NPAS3: variants seen among roughly 807,000 people sequenced by gnomAD.
The protein encoded by NPAS3 is neuronal PAS domain protein 3.
A neutral mutation model predicts 73.1 loss-of-function variants in NPAS3; 14 were observed. That is an observed-to-expected ratio of 0.19 (90% CI 0.13 to 0.30). The LOEUF (loss-of-function observed/expected upper bound fraction) is 0.30, where lower values mean the gene tolerates loss of function less well. NPAS3 is among the 10% of genes least tolerant of loss of function. The probability of loss-of-function intolerance (pLI) is 1.00; values close to 1 mark genes in which losing one functional copy is unlikely to be tolerated. For synonymous variants in NPAS3, 620 were observed against 541.5 expected, an observed-to-expected ratio of 1.14 and a Z score of -2.01; for missense variants, 1,096 against 1,250.0, an observed-to-expected ratio of 0.88 and a Z score of 1.86.
intron 5 of NPAS3, among the ~76,000 whole-genome samples, chr14:33,575,192 T>C (rs1009125544): frequency 6.6e-6 from 1 of 152,216 alleles, no homozygotes; most frequent in African/African-American, 2.4e-5. Flanking sequence ...CCATTTAACA[T>C]AGCTTGTTAA....
At chr14:33,254,195 G>GT (rs1457118929) in intron 3 of NPAS3, among the ~76,000 whole-genome samples, 1 of 151,974 alleles carries the variant, frequency 6.6e-6, no homozygotes, top group African/African-American at 2.4e-5. Context: ...AGCTTCCATA[G>GT]TCCTCCGTGG....
At chr14:33,079,583 G>T (rs1595394727) in intron 2 of NPAS3, among the ~76,000 whole-genome samples, 1 of 103,456 alleles carries the variant, frequency 9.7e-6, no homozygotes, top group Non-Finnish European at 2.0e-5. Flanking sequence ...CTCCCAAAGT[G>T]CTGGGATTAT....
At chr14:33,117,640 C>G (rs1186232728) in intron 2 of NPAS3, among the ~76,000 whole-genome samples, 3 of 152,082 alleles carry the variant, frequency 2.0e-5, no homozygotes, top group African/African-American at 4.8e-5. Flanking sequence ...TGGAAATCTA[C>G]TTGTAAAAGG....
intron 4 of NPAS3, among the ~76,000 whole-genome samples, chr14:33,370,178 A>G (rs1250856953): frequency 6.6e-6 from 1 of 152,162 alleles, no homozygotes; most frequent in African/African-American, 2.4e-5. Context: ...TAAATAGCTT[A>G]CAGTCATTCA....
chr14:33,207,397 A>G (rs1247136024), intron 2 of NPAS3, among the ~76,000 whole-genome samples: 5 of 152,124 alleles, frequency 3.3e-5, no homozygotes, highest in African/African-American at 9.7e-5. Context: ...TGAAGTGTTC[A>G]CCCATCTCTG....
chr14:33,183,597 A>G (rs2045883027), intron 2 of NPAS3, among the ~76,000 whole-genome samples: 1 of 151,744 alleles, frequency 6.6e-6, no homozygotes, highest in Non-Finnish European at 1.5e-5. Context: ...ACAGACCCAC[A>G]TCTCCCAACT....
intron 2 of NPAS3, among the ~76,000 whole-genome samples, chr14:33,211,236 A>G (rs2047023120): frequency 6.6e-6 from 1 of 152,202 alleles, no homozygotes; most frequent in South Asian, 2.1e-4. Flanking sequence ...CAAAACCAGG[A>G]TTTATACCCA....
intron 1 of NPAS3, among the ~76,000 whole-genome samples, chr14:33,035,824 G>A (rs2040147502): frequency 6.6e-6 from 1 of 152,040 alleles, no homozygotes; most frequent in African/African-American, 2.4e-5. Context: ...CTTTGGGTAC[G>A]GGGGACGCCT....
chr14:32,992,683 A>T (rs1302137574), intron 1 of NPAS3, among the ~76,000 whole-genome samples: 1 of 152,228 alleles, frequency 6.6e-6, no homozygotes, highest in Non-Finnish European at 1.5e-5. Flanking sequence ...TCATGTGAAG[A>T]TACTAAATAT....
intron 2 of NPAS3, among the ~76,000 whole-genome samples, chr14:33,173,009 A>G (rs549044246): frequency 6.6e-6 from 1 of 152,330 alleles, no homozygotes; most frequent in South Asian, 2.1e-4. Flanking sequence ...AGAAGTTTTA[A>G]TGTTTCAGAA....
intron 2 of NPAS3, among the ~76,000 whole-genome samples, chr14:33,142,248 T>A (rs1340133705): frequency 1.3e-5 from 2 of 149,424 alleles, no homozygotes; most frequent in African/African-American, 4.9e-5. Flanking sequence ...TCTGGGATTT[T>A]TTTTCAGTAC....
chr14:33,087,245 G>T (rs1212222715), intron 2 of NPAS3, among the ~76,000 whole-genome samples: 3 of 136,686 alleles, frequency 2.2e-5, no homozygotes, highest in Non-Finnish European at 3.1e-5. Context: ...ATACAATATT[G>T]TACAATATTG....
chr14:33,022,854 T>A (rs2039659750), intron 1 of NPAS3, among the ~76,000 whole-genome samples: 1 of 152,092 alleles, frequency 6.6e-6, no homozygotes, highest in Non-Finnish European at 1.5e-5. Context: ...TATTTGCCAG[T>A]GTCATGTTTG....
chr14:33,166,013 G>GC (rs2045126936), intron 2 of NPAS3, among the ~76,000 whole-genome samples: 1 of 152,170 alleles, frequency 6.6e-6, no homozygotes, highest in African/African-American at 2.4e-5. Flanking sequence ...AAAGTTGCTA[G>GC]GTACCAGCCC....
chr14:33,715,871 T>G (rs1289384061), intron 6 of NPAS3, among the ~76,000 whole-genome samples: 1 of 152,174 alleles, frequency 6.6e-6, no homozygotes, highest in Non-Finnish European at 1.5e-5. Context: ...CTCACAAGAT[T>G]TGATGGTTTT....
At chr14:33,448,447 C>T (rs773199675) in intron 4 of NPAS3, among the ~76,000 whole-genome samples, 2 of 152,034 alleles carry the variant, frequency 1.3e-5, no homozygotes, top group Non-Finnish European at 2.9e-5. Context: ...GAGCTCCATG[C>T]GGAAGGGTCG....
chr14:33,282,325 G>A (rs548186173), intron 3 of NPAS3, among the ~76,000 whole-genome samples: 77 of 152,286 alleles, frequency 5.1e-4, no homozygotes, highest in East Asian at 9.6e-4. Flanking sequence ...CTTGCAAAGC[G>A]TCCAGTTCTG....
chr14:33,127,211 A>C (rs1476779250), intron 2 of NPAS3, among the ~76,000 whole-genome samples: 1 of 152,080 alleles, frequency 6.6e-6, no homozygotes, highest in East Asian at 1.9e-4. Context: ...TTCTGATTTT[A>C]AATGAGATTT....
chr14:33,447,038 C>T (rs545956685), intron 4 of NPAS3, among the ~76,000 whole-genome samples: 8 of 152,292 alleles, frequency 5.3e-5, no homozygotes, highest in African/African-American at 1.9e-4. Context: ...TACTTATGAG[C>T]TAAGCAGGTG....
Sources: allele counts gnomAD v4.1 joint callset (sites outside exome capture counted in the v4.1 genomes callset), GRCh38; gene constraint gnomAD v4.1.1; transcripts MANE v1.5; gene names NCBI Gene and HGNC (gene_info 2026-07-23, HGNC 2026-07-21).